Variants in PFKP observed in about 807,000 individuals in gnomAD.
PFKP encodes ATP-dependent 6-phosphofructokinase, platelet type.
PFKP carries 101 observed loss-of-function variants against 94.3 expected under a neutral mutation model. That is an observed-to-expected ratio of 1.07 (90% CI 0.91 to 1.26). The LOEUF is 1.26. Among genes scored for constraint, PFKP ranks in the 50% most tolerant of loss-of-function variants. The probability of loss-of-function intolerance (pLI) is 0.00; values close to 1 mark genes in which losing one functional copy is unlikely to be tolerated. For missense variants in PFKP, 1,145 were observed against 1,103.3 expected, an observed-to-expected ratio of 1.04 and a Z score of -0.53; for synonymous variants, 573 against 432.6, an observed-to-expected ratio of 1.32 and a Z score of -4.03.
intron 1 of PFKP, among the ~76,000 whole-genome samples, chr10:3,074,781 TA>T (rs2131382593): frequency 6.6e-6 from 1 of 152,190 alleles, no homozygotes; most frequent in Non-Finnish European, 1.5e-5. Flanking sequence ...AAACTATCAA[TA>T]GGAGATTAAT....
chr10:3,068,896 C>T (rs531714323), intron 1 of PFKP, among the ~76,000 whole-genome samples: 2 of 152,324 alleles, frequency 1.3e-5, no homozygotes, highest in African/African-American at 4.8e-5. Flanking sequence ...GATTTCCTCC[C>T]GTTTCGGGGC....
chr10:3,080,883 TCAGCGC>T (rs1833017872), intron 1 of PFKP, among the ~76,000 whole-genome samples: 1 of 152,126 alleles, frequency 6.6e-6, no homozygotes, highest in Non-Finnish European at 1.5e-5. Context: ...TTAGCAGCAT[TCAGCGC>T]CAGAGACAGA....
rs184205778 is a variant in PFKP, at chr10:3,136,580, C to T, written c.*1C>T. Reference sequence around the variant, plus strand: ...ACATGTGCAGCCCTGGAGTGTCTGACCCAGTCCCGCCTGCATGTGCCTGCA... The same window carrying T: ...ACATGTGCAGCCCTGGAGTGTCTGATCCAGTCCCGCCTGCATGTGCCTGCA... On this transcript the variant is annotated 3_prime_UTR_variant, in exon 22 of 22. Coordinates refer to ENST00000381125, the MANE Select transcript of PFKP (RefSeq NM_002627.5). The T allele has an allele frequency of 2.5e-6, 4 of 1,612,818 alleles. No homozygotes were observed. In the South Asian group the frequency reaches 4.4e-5, roughly 18 times the overall value.
intron 1 of PFKP, among the ~76,000 whole-genome samples, chr10:3,075,212 C>A (rs1832484438): frequency 1.3e-5 from 2 of 152,166 alleles, no homozygotes; most frequent in South Asian, 4.1e-4. Flanking sequence ...AACCCACAAC[C>A]TTCCAGCCTG....
At chr10:3,077,477 A>G (rs568121652) in intron 1 of PFKP, among the ~76,000 whole-genome samples, 25 of 151,760 alleles carry the variant, frequency 1.6e-4, no homozygotes, top group African/African-American at 6.0e-4. Flanking sequence ...CCTGTTAGCC[A>G]GGATGGTCTC....
chr10:3,094,280 G>C (rs1564288489), intron 2 of PFKP, among the ~76,000 whole-genome samples: 1 of 152,226 alleles, frequency 6.6e-6, no homozygotes, highest in African/African-American at 2.4e-5. Context: ...TGCACTCTTA[G>C]CTTTGGCTTA....
At chr10:3,102,395 T>C (rs1280930573) in intron 4 of PFKP, among the ~76,000 whole-genome samples, 1 of 151,462 alleles carries the variant, frequency 6.6e-6, no homozygotes, top group East Asian at 2.0e-4. Context: ...ATGTGGTTTA[T>C]TTTTGTTTTG....
Position 3,103,945 on chromosome 10 carries a change from G to GT in PFKP, c.620+2dup. 1 of 1,613,160 alleles carries GT rather than the reference G, an allele frequency of 6.2e-7. No homozygotes were observed. Among genetic ancestry groups the GT allele is most frequent in the South Asian group, 1.1e-5 (1 of 91,068 alleles). On this transcript the variant is annotated splice_donor_variant, in intron 5 of 21. Transcript: ENST00000381125. LOFTEE classifies it high-confidence loss of function. ...ACGCCATCATGACCACGGCCCAGAG[G>GT]TAAAGCGCTCAGAGGAACCGGCGGG...
chr10:3,103,788 A>G lies in PFKP; in HGVS notation c.464A>G (p.Asp155Gly). The G allele has an allele frequency of 6.2e-7, 1 of 1,613,872 alleles. No homozygotes were observed. Among genetic ancestry groups the G allele is most frequent in the East Asian group, 2.2e-5 (1 of 44,886 alleles). Residue 155 changes from aspartate to glycine, a missense_variant, in exon 5 of 22, where the codon GAT (aspartate) becomes GGT (glycine). Physicochemically the swap from Asp to Gly is moderately conservative, Grantham distance 94. Around this residue, in one of 3 missense-constraint regions of PFKP, gnomAD observed 1,119 missense variants for 1,062.8 expected, o/e 1.05. Transcript: ENST00000381125. ...TTTGCTCCCCGCGCAGGCCAGATCG[A>G]TAAGGAGGCCGTGCAGAAGTACGCC... The part of the protein sequence containing the change: ...LEELARNGQI[D>G]KEAVQKYAYL...
At chr10:3,117,473 A>G (rs1372517353) in intron 14 of PFKP, among the ~76,000 whole-genome samples, 2 of 152,202 alleles carry the variant, frequency 1.3e-5, no homozygotes, top group African/African-American at 4.8e-5. Context: ...CATGGAAGGA[A>G]GGTAGTTTTT....
At chr10:3,135,922 A>T in intron 21 of PFKP, 84 bp downstream of exon 21, 1 of 824,418 alleles carries the variant, frequency 1.2e-6, no homozygotes, top group Non-Finnish European at 2.1e-6. Flanking sequence ...GCTGTCGGCA[A>T]CTCATTCAGG....
chr10:3,134,672 G>A lies in PFKP; in HGVS notation c.2122+90G>A, dbSNP rs761273516. 3 of 815,588 alleles carry A rather than the reference G, an allele frequency of 3.7e-6. No homozygotes were observed. In the South Asian group the frequency reaches 4.2e-5, roughly 12 times the overall value. The allele number at this position is 815,588 out of a possible 1,614,324, so 50.5% of individuals were successfully genotyped here. A position where few individuals can be genotyped will look rare whatever the true frequency, so the allele number is the denominator to read the frequency against. Reference sequence around the variant, plus strand: ...CTGTCCTATCGGGGAGAAGTAGGGTGCTGGTTCCTTCTTCAGTTCAGTACT... The same window carrying A: ...CTGTCCTATCGGGGAGAAGTAGGGTACTGGTTCCTTCTTCAGTTCAGTACT... On this transcript the variant is annotated intron_variant, in intron 20 of 21. Transcript: ENST00000381125.
intron 16 of PFKP, 70 bp from the exon 17 acceptor site, chr10:3,129,749 G>C: frequency 6.5e-7 from 1 of 1,545,124 alleles, no homozygotes; most frequent in East Asian, 2.3e-5. Flanking sequence ...ACTCACTCTT[G>C]GGGGAGCTCT....
At chr10:3,110,883 TA>T (rs1836145115) in intron 10 of PFKP, among the ~76,000 whole-genome samples, 1 of 151,266 alleles carries the variant, frequency 6.6e-6, no homozygotes, top group African/African-American at 2.5e-5. Context: ...TGTCTGCATG[TA>T]TGTGTGTGCA....
In PFKP at chr10:3,081,778, A is replaced by T. The variant is rs1378996660; in HGVS notation, c.113-610A>T. 2.2e-3 allele frequency among the ~76,000 whole-genome samples: 3 copies of T among 1,350 alleles called. No individual in the cohort carries two copies. In the Non-Finnish European group the frequency reaches 0.054, roughly 24 times the overall value. 0.9% of individuals were successfully genotyped at this position (1,350 alleles called of 152,430 possible). ...CAGACTTATATGATACATTGTAAAT[A>T]GACATGATACATTGTAAACAGACCT... On this transcript the variant is annotated intron_variant, in intron 1 of 21. Transcript: ENST00000381125.
At chr10:3,112,139 G>T in intron 10 of PFKP, 83 bp from the exon 11 acceptor site, 1 of 1,125,858 alleles carries the variant, frequency 8.9e-7, no homozygotes, top group South Asian at 1.2e-5. Context: ...TGGTGGGAAG[G>T]ACCGAGCCAG....
Position 3,091,050 on chromosome 10 carries a change from G to A in PFKP, c.187-8225G>A, listed in dbSNP as rs77938283. ...TTCTGCTGAAAGCCTGGCCTTCATCGAGGGACCTCTGCTGTCTGGCCGCTG... is the reference window on the plus strand; with the variant it reads ...TTCTGCTGAAAGCCTGGCCTTCATCAAGGGACCTCTGCTGTCTGGCCGCTG... On this transcript the variant is annotated intron_variant, in intron 2 of 21. Transcript: ENST00000381125. 3.2e-3 allele frequency among the ~76,000 whole-genome samples: 490 copies of A among 152,182 alleles called. 2 individuals are homozygous for A. The highest frequency in any genetic ancestry group is 0.01 in the African/African-American group (435 of 41,514).
Position 3,112,220 on chromosome 10 carries a change from A to G in PFKP, c.1090-2A>G. ...TTCTTCTTTTCATCATTGTTTTAAAAGACTCAGGATGTGCAGAAGGCGATG... is the reference window on the plus strand; with the variant it reads ...TTCTTCTTTTCATCATTGTTTTAAAGGACTCAGGATGTGCAGAAGGCGATG... On this transcript the variant is annotated splice_acceptor_variant, in intron 10 of 21. Coordinates refer to ENST00000381125, the MANE Select transcript of PFKP (RefSeq NM_002627.5). LOFTEE classifies it high-confidence loss of function. 6.2e-7 allele frequency: 1 copy of G among 1,611,988 alleles called. No homozygotes were observed. The highest frequency in any genetic ancestry group is 8.5e-7 in the Non-Finnish European group (1 of 1,178,028).
At chr10:3,117,829 G>A (rs567986432) in intron 14 of PFKP, among the ~76,000 whole-genome samples, 42 of 152,290 alleles carry the variant, frequency 2.8e-4, no homozygotes, top group South Asian at 4.1e-4. Context: ...TTGTGGGCTC[G>A]TCCTGAAGAG....
Sources: gnomAD v4.1 joint callset for allele counts (sites outside exome capture counted in the v4.1 genomes callset) on GRCh38, gnomAD v4.1.1 for gene constraint, gnomAD v4.1.1 regional missense constraint, MANE v1.5 for transcripts, NCBI Gene and HGNC (gene_info 2026-07-23, HGNC 2026-07-21) for gene names.